TTC22: variants seen among roughly 807,000 people sequenced by gnomAD.
The protein encoded by TTC22 is tetratricopeptide repeat protein 22.
TTC22 carries 42 observed loss-of-function variants against 48.2 expected under a neutral mutation model. The ratio of observed to expected loss-of-function variants is 0.87; its 90% CI spans 0.68 to 1.13. TTC22 has a LOEUF of 1.13. Among genes scored for constraint, TTC22 ranks in the 50% most tolerant of loss-of-function variants. The pLI, the probability that TTC22 is intolerant of heterozygous loss-of-function variation, is 0.00. For missense variants in TTC22, 784 were observed against 807.0 expected (o/e 0.97, Z 0.34); for synonymous variants, 345 against 365.5 (o/e 0.94, Z 0.64).
intron 1 of TTC22, among the ~76,000 whole-genome samples, chr1:54,791,659 C>A (rs1646352719): frequency 6.6e-6 from 1 of 152,126 alleles, no homozygotes; most frequent in Non-Finnish European, 1.5e-5. Context: ...CAACTATGCT[C>A]CCAGGACCTC....
In TTC22 at chr1:54,786,996, G is replaced by A. The variant is rs1355890862; in HGVS notation, c.819C>T (p.Cys273=). The part of the protein sequence containing the change: ...FSTTPMGVHD[C]GYSGTDPLDC... ...CTAGAGGGTCGGTCCCTGAGTACCC[G>A]CAGTCATGGACGCCCATGGGGGTGG... The change falls in exon 4 of 7, where the codon TGC becomes TGT. Residue 273 remains cysteine (C), a synonymous_variant. Coordinates refer to ENST00000371276, the MANE Select transcript of TTC22 (RefSeq NM_001114108.2). The A allele has an allele frequency of 5.6e-5, 88 of 1,563,980 alleles. No individual in the cohort carries two copies. The highest frequency in any genetic ancestry group is 6.9e-5 in the Non-Finnish European group (80 of 1,155,788).
Position 54,781,420 on chromosome 1 carries a change from C to G in TTC22, c.1533G>C (p.Ala511=), listed in dbSNP as rs1193263306. 7.1e-7 allele frequency: 1 copy of G among 1,407,568 alleles called. No individual in the cohort carries two copies. Among genetic ancestry groups the G allele is most frequent in the South Asian group, 1.5e-5 (1 of 66,142 alleles). 87.2% of individuals were successfully genotyped at this position (1,407,568 alleles called of 1,614,324 possible). ...LRRAQDKYPA[A]RLRQELQRVW... is the part of the protein sequence containing the mutation. ...CGCGCTGCAGCTCCTGGCGCAGGCG[C>G]GCCGCGGGGTACTTGTCCTGGGCGC... Residue 511 remains alanine, a synonymous_variant, in exon 7 of 7, where the codon GCG becomes GCC. Coordinates refer to ENST00000371276, the MANE Select transcript of TTC22 (RefSeq NM_001114108.2).
intron 1 of TTC22, among the ~76,000 whole-genome samples, chr1:54,795,212 T>G (rs777176030): frequency 6.6e-6 from 1 of 152,218 alleles, no homozygotes; most frequent in Non-Finnish European, 1.5e-5. Context: ...AGCTTCTACA[T>G]CTGCAAACAG....
intron 1 of TTC22, among the ~76,000 whole-genome samples, chr1:54,793,268 T>C (rs1372210874): frequency 6.6e-6 from 1 of 152,176 alleles, no homozygotes; most frequent in Non-Finnish European, 1.5e-5. Context: ...AAAATGAAAT[T>C]TGTAGACCCT....
At chr1:54,788,156 T>C in intron 1 of TTC22, 59 bp from the exon 2 acceptor site, 1 of 1,541,204 alleles carries the variant, frequency 6.5e-7, no homozygotes, top group Non-Finnish European at 9.0e-7. Flanking sequence ...CCATTGTTCA[T>C]AAACTCCCAC....
Position 54,801,276 on chromosome 1 carries a change from A to T in TTC22, c.-113T>A. ...GCGGGAGGCGAGGGGCAGCCGGCAG[A>T]GGCCCCGGGCGCTGCGGCCTCTCGG... On this transcript the variant is annotated 5_prime_UTR_variant, in exon 1 of 7. Coordinates refer to ENST00000371276, the MANE Select transcript of TTC22 (RefSeq NM_001114108.2). The T allele has an allele frequency of 8.8e-7, 1 of 1,134,440 alleles. No homozygotes were observed. The highest frequency in any genetic ancestry group is 1.2e-6 in the Non-Finnish European group (1 of 805,770). The allele number at this position is 1,134,440 out of a possible 1,614,324, so 70.3% of individuals were successfully genotyped here. A position where few individuals can be genotyped will look rare whatever the true frequency, so the allele number is the denominator to read the frequency against.
chr1:54,790,962 G>A (rs778867871), intron 1 of TTC22, among the ~76,000 whole-genome samples: 3 of 151,934 alleles, frequency 2.0e-5, no homozygotes. Flanking sequence ...TCCTGAGTTC[G>A]AGCTATTCTG....
chr1:54,780,866 A>T lies in TTC22; in HGVS notation c.*377T>A. The T allele has an allele frequency of 5.8e-6, 1 of 171,528 alleles. No individual in the cohort carries two copies. Among genetic ancestry groups the T allele is most frequent in the Non-Finnish European group, 1.2e-5 (1 of 81,198 alleles). 10.6% of individuals were successfully genotyped at this position (171,528 alleles called of 1,614,324 possible). On this transcript the variant is annotated 3_prime_UTR_variant, in exon 7 of 7. Coordinates refer to ENST00000371276, the MANE Select transcript of TTC22 (RefSeq NM_001114108.2). ...TACCGGAGTCCAAAGACAGGCACTC[A>T]GGCCTGAGGGATTGAGCGCCCGGAC...
chr1:54,785,793 CAG>C (rs927969856), intron 5 of TTC22, 188 bp downstream of exon 5: 3 of 580,100 alleles, frequency 5.2e-6, no homozygotes, highest in African/African-American at 1.9e-5. Context: ...AGTTGGGTGA[CAG>C]AGCGAGACAC....
rs528815750 is a variant in TTC22, at chr1:54,783,712, T to C, written c.1021-1235A>G. 3.3e-5 allele frequency among the ~76,000 whole-genome samples: 5 copies of C among 152,352 alleles called. No individual in the cohort carries two copies. In the East Asian group the frequency reaches 9.6e-4, roughly 29 times the overall value. ...GAAAACATAAAATGTTGGCGGAGGC[T>C]AGGTGTGGTGGCTCACACCTATAAT... On this transcript the variant is annotated intron_variant, in intron 5 of 6. Coordinates refer to ENST00000371276, the MANE Select transcript of TTC22 (RefSeq NM_001114108.2).
At chr1:54,787,123 G>T in intron 3 of TTC22, 48 bp from the exon 4 acceptor site, 1 of 1,045,348 alleles carries the variant, frequency 9.6e-7, no homozygotes. Context: ...GCAGGGTGGA[G>T]AGAGGGAAGG....
At chr1:54,798,766 C>T (rs1382836226) in intron 1 of TTC22, among the ~76,000 whole-genome samples, 1 of 152,226 alleles carries the variant, frequency 6.6e-6, no homozygotes, top group Non-Finnish European at 1.5e-5. Context: ...GCCTCTCAGA[C>T]ATGCCCAGAA....
At chr1:54,784,452 T>C in intron 5 of TTC22, 6 of 737,464 alleles carry the variant, frequency 8.1e-6, no homozygotes, top group Non-Finnish European at 1.0e-5. Flanking sequence ...GGAAGTTCCC[T>C]GCCTCCCTGG....
intron 5 of TTC22, among the ~76,000 whole-genome samples, chr1:54,784,124 G>A (rs969193899): frequency 6.6e-6 from 1 of 152,216 alleles, no homozygotes; most frequent in Non-Finnish European, 1.5e-5. Context: ...AGATATCTGG[G>A]AGAAGAGCAT....
At chr1:54,790,375 G>C (rs900330038) in intron 1 of TTC22, among the ~76,000 whole-genome samples, 10 of 151,706 alleles carry the variant, frequency 6.6e-5, no homozygotes, top group African/African-American at 1.2e-4. Context: ...GTGAGACCGT[G>C]TTTCTTAAAA....
At chr1:54,795,252 T>TA (rs943472045) in intron 1 of TTC22, among the ~76,000 whole-genome samples, 5 of 152,164 alleles carry the variant, frequency 3.3e-5, no homozygotes, top group African/African-American at 1.2e-4. Flanking sequence ...GCCTGCATCA[T>TA]AGGCATGTTG....
At chr1:54,789,923 G>C (rs1440161467) in intron 1 of TTC22, among the ~76,000 whole-genome samples, 1 of 152,262 alleles carries the variant, frequency 6.6e-6, no homozygotes, top group African/African-American at 2.4e-5. Context: ...AGAAGAGCGA[G>C]CAAGGCATGC....
Position 54,787,180 on chromosome 1 carries a change from A to G in TTC22, c.740-105T>C, listed in dbSNP as rs900855182. The G allele has an allele frequency of 1.7e-5, 10 of 598,998 alleles. No individual in the cohort carries two copies. The African/African-American group carries it at 1.9e-4, about 11-fold the overall frequency. The allele number at this position is 598,998 out of a possible 1,614,324, so 37.1% of individuals were successfully genotyped here. ...CACCCATGAAGACAAAGCAAGGGAT[A>G]GTAGAGTGGGATCACTGAGGGCAAC... On this transcript the variant is annotated intron_variant, in intron 3 of 6. Transcript: ENST00000371276.
rs935633159 is a variant in TTC22 at position 54,781,292 on chromosome 1, T to TC, written c.1660dup (p.Glu554GlyfsTer103). ...CCGCGGCGCGCTGGCGCCCTCGCCC[T>TC]CGCGCTCCATGGTCTCGAAGAGCAG... is the stretch of plus-strand genomic sequence containing the variant. On this transcript the variant is annotated frameshift_variant, in exon 7 of 7. Transcript: ENST00000371276. LOFTEE classifies it low-confidence loss of function (END_TRUNC). The TC allele has an allele frequency of 3.4e-6, 5 of 1,476,494 alleles. No homozygotes were observed. In the African/African-American group the frequency reaches 7.4e-5, roughly 22 times the overall value. 91.5% of individuals were successfully genotyped at this position (1,476,494 alleles called of 1,614,324 possible).
Sources: allele counts gnomAD v4.1 joint callset (sites outside exome capture counted in the v4.1 genomes callset), GRCh38; gene constraint gnomAD v4.1.1; transcripts MANE v1.5; gene names NCBI Gene and HGNC (gene_info 2026-07-23, HGNC 2026-07-21).